ACACB: variants seen among roughly 807,000 people sequenced by gnomAD.
The protein encoded by ACACB is acetyl-CoA carboxylase 2.
A neutral mutation model predicts 278.8 loss-of-function variants in ACACB; 209 were observed. The observed-to-expected ratio is 0.75, with a 90% CI of 0.67 to 0.84. The LOEUF (loss-of-function observed/expected upper bound fraction) is 0.84, where lower values mean the gene tolerates loss of function less well. ACACB is among the 40% of genes least tolerant of loss of function. ACACB has a pLI of 0.00. For missense variants in ACACB, 2,850 were observed against 3,269.0 expected, an observed-to-expected ratio of 0.87 and a Z score of 3.13; for synonymous variants, 1,174 against 1,285.6, an observed-to-expected ratio of 0.91 and a Z score of 1.86.
At position 109,184,491 on chromosome 12, in the gene ACACB, G is replaced by T. The variant is rs149261580; in HGVS notation, c.1819-1088G>T. Among the ~76,000 whole-genome samples, 16 of 152,114 alleles carry T rather than the reference G, an allele frequency of 1.1e-4. 1 individual carries two copies. The highest frequency in any genetic ancestry group is 1.5e-5 in the Non-Finnish European group (1 of 68,020). On this transcript the variant is annotated intron_variant, in intron 11 of 52. Coordinates refer to ENST00000338432, the MANE Select transcript of ACACB (RefSeq NM_001093.4). ...GCAATTATGACACTTGAGAAATAGA[G>T]CATTGATACCACATCTATATCTAAT...
intron 20 of ACACB, 59 bp from the exon 21 acceptor site, chr12:109,209,106 G>A: frequency 6.6e-7 from 1 of 1,513,112 alleles, no homozygotes; most frequent in Non-Finnish European, 8.9e-7. Context: ...GCCCTGTTTG[G>A]GGCGGTGGTG....
At chr12:109,164,774 G>A (rs957504711) in intron 2 of ACACB, among the ~76,000 whole-genome samples, 1 of 145,986 alleles carries the variant, frequency 6.8e-6, no homozygotes, top group African/African-American at 2.5e-5. Flanking sequence ...CTGGAGTGCA[G>A]TGGTGCAATC....
At chr12:109,244,623 A>G (rs2046890407) in intron 37 of ACACB, among the ~76,000 whole-genome samples, 1 of 151,824 alleles carries the variant, frequency 6.6e-6, no homozygotes, top group Admixed American at 6.6e-5. Flanking sequence ...ATGCCTGGCT[A>G]ATTTTTTTAT....
Position 109,253,188 on chromosome 12 carries a change from T to C in ACACB, c.6045+30T>C, listed in dbSNP as rs775539300. The stretch of plus-strand genomic sequence containing the variant: ...AGTACTCCCCCTGCAGCTTAGAACC[T>C]GGAAGACTCTTATTAAGCTCATTGG... On this transcript the variant is annotated intron_variant, in intron 43 of 52. Transcript: ENST00000338432. 3.7e-5 allele frequency: 56 copies of C among 1,512,382 alleles called. No homozygotes were observed. The Middle Eastern group carries it at 5.3e-4, about 14-fold the overall frequency. The allele number at this position is 1,512,382 out of a possible 1,614,324, so 93.7% of individuals were successfully genotyped here.
chr12:109,171,013 A>T (rs78630008), intron 4 of ACACB, among the ~76,000 whole-genome samples: 77 of 106,452 alleles, frequency 7.2e-4, no homozygotes, highest in Middle Eastern at 5.8e-3. Context: ...CTTTTTTTGG[A>T]TTTTTTTTTT....
chr12:109,171,570 G>A (rs954473360), intron 4 of ACACB, among the ~76,000 whole-genome samples: 6 of 151,744 alleles, frequency 4.0e-5, no homozygotes, highest in Admixed American at 6.6e-5. Context: ...GGCCGGTTTC[G>A]AACTCCTGGC....
Position 109,256,230 on chromosome 12 carries a change from G to C in ACACB, c.6257G>C (p.Arg2086Pro). ...APWAQTVVTG[R>P]ARLGGIPVGV... ...TGGGCGCAGACCGTGGTGACAGGAC[G>C]AGCAAGGTAATCATGAAGACGGGAG... Residue 2086 changes from arginine (R) to proline (P), a missense_variant, in exon 45 of 53, where the codon CGA becomes CCA. By Grantham distance (103) the Arg-to-Pro change is moderately radical. Transcript: ENST00000338432. The C allele has an allele frequency of 6.2e-7, 1 of 1,613,732 alleles. No individual in the cohort carries two copies. The highest frequency in any genetic ancestry group is 8.5e-7 in the Non-Finnish European group (1 of 1,179,734).
intron 28 of ACACB, among the ~76,000 whole-genome samples, chr12:109,228,456 G>C (rs562949983): frequency 6.6e-6 from 1 of 151,890 alleles, no homozygotes; most frequent in East Asian, 1.9e-4. Context: ...CCTGGAGTTT[G>C]ACACCAGCCC....
At chr12:109,254,555 C>T (rs2047176723) in intron 44 of ACACB, among the ~76,000 whole-genome samples, 1 of 152,120 alleles carries the variant, frequency 6.6e-6, no homozygotes, top group African/African-American at 2.4e-5. Context: ...GAAACAGCCT[C>T]CAGTTTCTGG....
chr12:109,175,873 G>A, intron 7 of ACACB, 58 bp from the exon 8 acceptor site: 1 of 1,493,106 alleles, frequency 6.7e-7, no homozygotes, highest in East Asian at 2.3e-5. Flanking sequence ...TGTGGTTTCT[G>A]GGTTGTGTGT....
chr12:109,190,132 AAAAG>A (rs1464144515), intron 13 of ACACB, among the ~76,000 whole-genome samples: 2 of 152,142 alleles, frequency 1.3e-5, no homozygotes, highest in South Asian at 2.1e-4. Context: ...AAAAAAGAAA[AAAAG>A]AAAGCTTTCT....
In ACACB at chr12:109,201,634, G is replaced by T. The variant is rs1593541717; in HGVS notation, c.2846G>T (p.Gly949Val). 2.5e-5 allele frequency: 40 copies of T among 1,614,102 alleles called. No individual in the cohort carries two copies. The East Asian group carries it at 8.7e-4, about 35-fold the overall frequency. Residue 949 changes from glycine (G) to valine (V), a missense_variant, in exon 19 of 53, where the codon GGT becomes GTT. By Grantham distance (109) the Gly-to-Val change is moderately radical. Transcript: ENST00000338432. ...RGRVKYIKRP[G>V]AVLEAGCVVA... ...CGGGTGAAGTACATCAAGCGTCCAG[G>T]TGCCGTGCTGGAAGCAGGCTGCGTG...
chr12:109,131,641 C>G (rs952495597), intron 1 of ACACB, among the ~76,000 whole-genome samples: 2 of 152,184 alleles, frequency 1.3e-5, no homozygotes, highest in Non-Finnish European at 2.9e-5. Flanking sequence ...CCAGCACTTA[C>G]CAGGACTGAG....
chr12:109,258,974 T>A lies in ACACB; in HGVS notation c.6362T>A (p.Ile2121Lys). 6.2e-7 allele frequency: 1 copy of A among 1,614,128 alleles called. No homozygotes were observed. The highest frequency in any genetic ancestry group is 1.3e-5 in the African/African-American group (1 of 75,056). ...DPANLDSEAK[I>K]IQQAGQVWFP... ...GATCCCCGCAGCTCTGTGTTCCAGA[T>A]AATTCAGCAGGCAGGACAGGTGTGG... is the stretch of plus-strand genomic sequence containing the variant. Residue 2121 changes from isoleucine (I) to lysine (K), a missense_variant and splice_region_variant, in exon 47 of 53, where the codon ATA (isoleucine) becomes AAA (lysine). Physicochemically the swap from Ile to Lys is moderately radical, Grantham distance 102. Around this residue, in one of 3 missense-constraint regions of ACACB, gnomAD observed 579 missense variants for 684.6 expected, o/e 0.85. Coordinates refer to ENST00000338432, the MANE Select transcript of ACACB (RefSeq NM_001093.4).
chr12:109,166,012 G>A (rs1360502854), intron 2 of ACACB, among the ~76,000 whole-genome samples: 10 of 152,136 alleles, frequency 6.6e-5, no homozygotes, highest in African/African-American at 2.2e-4. Context: ...TGGGCTGGGC[G>A]TGGTGGCTCA....
chr12:109,137,842 A>C (rs2043005516), intron 1 of ACACB, among the ~76,000 whole-genome samples: 1 of 151,710 alleles, frequency 6.6e-6, no homozygotes, highest in Non-Finnish European at 1.5e-5. Context: ...GCTGGAGTGC[A>C]GTGGTGCCAT....
intron 43 of ACACB, 105 bp downstream of exon 43, chr12:109,253,263 G>T: frequency 8.0e-7 from 1 of 1,246,598 alleles, no homozygotes; most frequent in Non-Finnish European, 1.1e-6. Context: ...CTGAGGAGCA[G>T]GAAGCACTGC....
Position 109,250,311 on chromosome 12 carries a change from A to G in ACACB, c.5790+207A>G, listed in dbSNP as rs369932029. ...GAGTATTTTAAAGCCAGCCCCCATCATGTCTTTTCATCCATAAATACGTAA... is the reference window on the plus strand; with the variant it reads ...GAGTATTTTAAAGCCAGCCCCCATCGTGTCTTTTCATCCATAAATACGTAA... On this transcript the variant is annotated intron_variant, in intron 41 of 52. Transcript: ENST00000338432. Among the ~76,000 whole-genome samples, 39 of 152,160 alleles carry G rather than the reference A, an allele frequency of 2.6e-4. No homozygotes were observed. The East Asian group carries it at 4.4e-3, about 17-fold the overall frequency.
At chr12:109,232,307 C>T in intron 28 of ACACB, among the ~76,000 whole-genome samples, 1 of 152,142 alleles carries the variant, frequency 6.6e-6, no homozygotes, top group East Asian at 1.9e-4. Flanking sequence ...CTGACTGCCT[C>T]ACCAGCTGCC....
Sources: gnomAD v4.1 joint callset for allele counts (sites outside exome capture counted in the v4.1 genomes callset) on GRCh38, gnomAD v4.1.1 for gene constraint, gnomAD v4.1.1 regional missense constraint, MANE v1.5 for transcripts, NCBI Gene and HGNC (gene_info 2026-07-23, HGNC 2026-07-21) for gene names.